Variants in KCNT2 observed in about 807,000 individuals in gnomAD.
KCNT2 encodes the protein potassium sodium-activated channel subfamily T member 2, also known as potassium channel subfamily T member 2.
A neutral mutation model predicts 153.8 loss-of-function variants in KCNT2; 67 were observed. That is an observed-to-expected ratio of 0.44 (90% CI 0.36 to 0.53). KCNT2 has a LOEUF of 0.53. KCNT2 is among the 20% of genes least tolerant of loss of function. The probability of loss-of-function intolerance (pLI) is 0.00; values close to 1 mark genes in which losing one functional copy is unlikely to be tolerated. For synonymous variants in KCNT2, 500 were observed against 458.8 expected, an observed-to-expected ratio of 1.09 and a Z score of -1.15; for missense variants, 975 against 1,354.8, an observed-to-expected ratio of 0.72 and a Z score of 4.40.
intron 14 of KCNT2, among the ~76,000 whole-genome samples, chr1:196,357,163 A>G (rs763094189): frequency 7.9e-5 from 12 of 151,920 alleles, no homozygotes; most frequent in Non-Finnish European, 1.5e-4. Flanking sequence ...TATTAGCTAT[A>G]AGTCTATGAC....
At chr1:196,523,025 A>T (rs1375272458) in intron 1 of KCNT2, among the ~76,000 whole-genome samples, 2 of 152,212 alleles carry the variant, frequency 1.3e-5, no homozygotes, top group African/African-American at 4.8e-5. Flanking sequence ...TGCTCTTCAC[A>T]ATAAACCTTG....
At chr1:196,482,505 T>C (rs548107312) in intron 3 of KCNT2, 126 bp from the exon 4 acceptor site, 21 of 504,468 alleles carry the variant, frequency 4.2e-5, no homozygotes, top group Admixed American at 1.3e-4. Context: ...AAAATCAACA[T>C]TTGAAAAAAC....
At position 196,483,881 on chromosome 1, in the gene KCNT2, G is replaced by A. The variant is rs1417805453; in HGVS notation, c.276-1502C>T. Reference sequence around the variant, plus strand: ...TAAGTACCTGCATATATTAAACTAGGTAACCAATGATCAATGATAAATGGT... The same window carrying A: ...TAAGTACCTGCATATATTAAACTAGATAACCAATGATCAATGATAAATGGT... On this transcript the variant is annotated intron_variant, in intron 3 of 27. Coordinates refer to ENST00000294725, the MANE Select transcript of KCNT2 (RefSeq NM_198503.5). Among the ~76,000 whole-genome samples the A allele has an allele frequency of 3.9e-4, 59 of 151,996 alleles. 1 individual carries two copies. The highest frequency in any genetic ancestry group is 3.9e-3 in the Admixed American group (59 of 15,248).
intron 22 of KCNT2, among the ~76,000 whole-genome samples, chr1:196,298,718 C>T (rs1036198524): frequency 4.6e-5 from 7 of 150,816 alleles, no homozygotes; most frequent in African/African-American, 7.3e-5. Context: ...AAGTGTCAAC[C>T]TTTTAATCAG....
chr1:196,552,311 G>C (rs1658022440), intron 1 of KCNT2, among the ~76,000 whole-genome samples: 1 of 151,416 alleles, frequency 6.6e-6, no homozygotes, highest in East Asian at 1.9e-4. Context: ...ATTACTGATT[G>C]TTTTATTTGT....
At position 196,268,407 on chromosome 1, in the gene KCNT2, A is replaced by C. The variant is rs530471625; in HGVS notation, c.2911-9913T>G. 2.0e-5 allele frequency among the ~76,000 whole-genome samples: 3 copies of C among 152,306 alleles called. No homozygotes were observed. The South Asian group carries it at 6.2e-4, about 32-fold the overall frequency. On this transcript the variant is annotated intron_variant, in intron 25 of 27. Transcript: ENST00000294725. ...TGAAAGTGACCAAGACATGAATTTCACTTTTCCAAAATACACAATGCTGTG... is the reference window on the plus strand; with the variant it reads ...TGAAAGTGACCAAGACATGAATTTCCCTTTTCCAAAATACACAATGCTGTG...
At chr1:196,304,955 CACATTTCTGTTGCAT>C in intron 22 of KCNT2, among the ~76,000 whole-genome samples, 2 of 152,110 alleles carry the variant, frequency 1.3e-5, no homozygotes, top group Non-Finnish European at 2.9e-5. Context: ...AGTGAGTATA[CACATTTCTGTTGCAT>C]TTAATTCTTT....
chr1:196,246,804 A>C (rs1166783118), intron 26 of KCNT2, among the ~76,000 whole-genome samples: 2 of 152,158 alleles, frequency 1.3e-5, no homozygotes, highest in Non-Finnish European at 2.9e-5. Context: ...GTAAGAAATT[A>C]AAGTATACCA....
chr1:196,264,831 A>C (rs1199625408), intron 25 of KCNT2, among the ~76,000 whole-genome samples: 1 of 152,026 alleles, frequency 6.6e-6, no homozygotes, highest in African/African-American at 2.4e-5. Context: ...GGGTTTCACC[A>C]TGTTGCCCTG....
intron 19 of KCNT2, among the ~76,000 whole-genome samples, chr1:196,325,852 A>G (rs1277497343): frequency 6.6e-6 from 1 of 152,108 alleles, no homozygotes; most frequent in Non-Finnish European, 1.5e-5. Flanking sequence ...AGTGAGAATA[A>G]ACAACACTAT....
chr1:196,364,097 A>AG (rs1254193310), intron 14 of KCNT2, among the ~76,000 whole-genome samples: 17 of 152,152 alleles, frequency 1.1e-4, no homozygotes, highest in Non-Finnish European at 1.5e-5. Context: ...AATGAAAAAA[A>AG]ATAAAATTCA....
chr1:196,332,905 C>A (rs1001927921), intron 17 of KCNT2, among the ~76,000 whole-genome samples: 1 of 151,704 alleles, frequency 6.6e-6, no homozygotes, highest in Non-Finnish European at 1.5e-5. Flanking sequence ...CTGTCTCAGC[C>A]TTCCAAGTAG....
intron 2 of KCNT2, among the ~76,000 whole-genome samples, chr1:196,491,555 A>G (rs1451473517): frequency 6.6e-6 from 1 of 152,036 alleles, no homozygotes; most frequent in Non-Finnish European, 1.5e-5. Context: ...AAAAAATTGC[A>G]TATTGGTTTA....
intron 1 of KCNT2, among the ~76,000 whole-genome samples, chr1:196,571,188 A>T (rs1299765419): frequency 1.3e-5 from 2 of 152,112 alleles, no homozygotes; most frequent in Admixed American, 6.6e-5. Flanking sequence ...ATTTTTGCAA[A>T]GATATGGATG....
chr1:196,592,867 TTC>T (rs1348609103), intron 1 of KCNT2, among the ~76,000 whole-genome samples: 3 of 149,496 alleles, frequency 2.0e-5, no homozygotes, highest in Non-Finnish European at 4.5e-5. Flanking sequence ...AAAAAATAAT[TTC>T]TATTAAATTT....
intron 13 of KCNT2, among the ~76,000 whole-genome samples, chr1:196,376,164 A>G (rs928887674): frequency 6.6e-6 from 1 of 151,876 alleles, no homozygotes; most frequent in East Asian, 1.9e-4. Context: ...TGGATTATAC[A>G]ATCAAATTCC....
intron 1 of KCNT2, among the ~76,000 whole-genome samples, chr1:196,534,096 G>T (rs1655260895): frequency 6.6e-6 from 1 of 151,254 alleles, no homozygotes; most frequent in Non-Finnish European, 1.5e-5. Context: ...GTAATAGATT[G>T]GTGGGGAAAA....
chr1:196,326,168 T>C (rs1221598954), intron 19 of KCNT2, among the ~76,000 whole-genome samples: 1 of 152,146 alleles, frequency 6.6e-6, no homozygotes, highest in Non-Finnish European at 1.5e-5. Context: ...AGTAGTCCTA[T>C]TTAACAAAAG....
chr1:196,501,888 G>C (rs1258361887), intron 1 of KCNT2, among the ~76,000 whole-genome samples: 1 of 152,198 alleles, frequency 6.6e-6, no homozygotes, highest in African/African-American at 2.4e-5. Context: ...GGAGGCCAAG[G>C]CAGGCACATT....
Sources: gnomAD v4.1 joint callset for allele counts (sites outside exome capture counted in the v4.1 genomes callset) on GRCh38, gnomAD v4.1.1 for gene constraint, MANE v1.5 for transcripts, NCBI Gene and HGNC (gene_info 2026-07-23, HGNC 2026-07-21) for gene names.